Variants in VAMP8 observed in about 807,000 individuals in gnomAD.
VAMP8 encodes the protein vesicle-associated membrane protein 8.
A neutral mutation model predicts 11.4 loss-of-function variants in VAMP8; 9 were observed. The ratio of observed to expected loss-of-function variants is 0.79; its 90% CI spans 0.48 to 1.38. The LOEUF is 1.38. Ranked by LOEUF, VAMP8 falls within the 40% of genes most tolerant of loss-of-function variation. The pLI is 0.00. For missense variants in VAMP8, 108 were observed against 127.8 expected (o/e 0.85, Z 0.75); for synonymous variants, 42 against 44.7 (o/e 0.94, Z 0.24).
chr2:85,580,612 T>C (rs1228730327), intron 2 of VAMP8, among the ~76,000 whole-genome samples: 1 of 151,756 alleles, frequency 6.6e-6, no homozygotes, highest in Non-Finnish European at 1.5e-5. Context: ...CAACCCGGCC[T>C]TCCAGATTTT....
Position 85,579,841 on chromosome 2 carries a change from C to T in VAMP8, c.162+674C>T, listed in dbSNP as rs1305899858. The T allele has an allele frequency of 6.4e-6, 10 of 1,550,508 alleles. No homozygotes were observed. The East Asian group carries it at 7.3e-5, about 11-fold the overall frequency. ...TGTTCAGCGGGGAGGCTGGCTCTGG[C>T]TTTCTGAGTCCTGTGTGAACTCTTG... On this transcript the variant is annotated intron_variant, in intron 2 of 2. Coordinates refer to ENST00000263864, the MANE Select transcript of VAMP8 (RefSeq NM_003761.5).
chr2:85,580,270 T>C lies in VAMP8; in HGVS notation c.162+1103T>C, dbSNP rs1573346110. On this transcript the variant is annotated intron_variant, in intron 2 of 2. Transcript: ENST00000263864. ...TCTGGACAAGCCCCAGGAAATTTAG[T>C]GTCTATAACTTGAATTGCTGGGCAT... 2.0e-5 allele frequency among the ~76,000 whole-genome samples: 3 copies of C among 152,098 alleles called. No homozygotes were observed. The East Asian group carries it at 5.8e-4, about 29-fold the overall frequency.
chr2:85,582,030 T>C lies in VAMP8; in HGVS notation c.*314T>C. 2 of 279,398 alleles carry C rather than the reference T, an allele frequency of 7.2e-6. No homozygotes were observed. Among genetic ancestry groups the C allele is most frequent in the Non-Finnish European group, 1.3e-5 (2 of 149,180 alleles). The allele number at this position is 279,398 out of a possible 1,614,324, so 17.3% of individuals were successfully genotyped here. On this transcript the variant is annotated 3_prime_UTR_variant, in exon 3 of 3. Coordinates refer to ENST00000263864, the MANE Select transcript of VAMP8 (RefSeq NM_003761.5). Reference sequence around the variant, plus strand: ...GGTAATAAAGACCTTTCAGTATCCCTATATGTGTGAGGCACTTTCTCTCTT... The same window carrying C: ...GGTAATAAAGACCTTTCAGTATCCCCATATGTGTGAGGCACTTTCTCTCTT...
intron 2 of VAMP8, chr2:85,579,775 G>GT: frequency 1.9e-6 from 3 of 1,550,746 alleles, no homozygotes; most frequent in Non-Finnish European, 2.6e-6. Context: ...CAGGGAGGAA[G>GT]TAACTCCAAA....
At chr2:85,577,726 T>A in intron 1 of VAMP8, 77 bp downstream of exon 1, 1 of 1,442,470 alleles carries the variant, frequency 6.9e-7, no homozygotes, top group Non-Finnish European at 9.4e-7. Flanking sequence ...GTTGGCTGTG[T>A]CGGGGGAGGA....
intron 2 of VAMP8, among the ~76,000 whole-genome samples, chr2:85,581,305 C>A (rs1672373925): frequency 6.6e-6 from 1 of 152,124 alleles, no homozygotes; most frequent in Non-Finnish European, 1.5e-5. Flanking sequence ...CATGGTGAAA[C>A]CTCCTCTCTA....
intron 2 of VAMP8, chr2:85,579,637 G>A: frequency 6.9e-6 from 10 of 1,459,758 alleles, no homozygotes; most frequent in Non-Finnish European, 8.2e-6. Flanking sequence ...AAAAAGAAGG[G>A]GGAAAGAGCA....
In VAMP8 at chr2:85,581,593, G is replaced by T. The variant is rs376611516; in HGVS notation, c.180G>T (p.Thr60=). The T allele has an allele frequency of 6.2e-6, 10 of 1,614,014 alleles. No individual in the cohort carries two copies. The highest frequency in any genetic ancestry group is 1.1e-5 in the South Asian group (1 of 91,088). Residue 60 remains threonine (T), a synonymous_variant, in exon 3 of 3, where the codon ACG becomes ACT. Coordinates refer to ENST00000263864, the MANE Select transcript of VAMP8 (RefSeq NM_003761.5). ...CCCAACAGTCTGAGCACTTCAAGAC[G>T]ACATCGCAGAAGGTGGCTCGAAAAT... is the stretch of plus-strand genomic sequence containing the variant. ...DLEATSEHFK[T]TSQKVARKFW...
intron 2 of VAMP8, among the ~76,000 whole-genome samples, chr2:85,580,657 G>C (rs961143821): frequency 6.9e-6 from 1 of 144,512 alleles, no homozygotes; most frequent in Non-Finnish European, 1.5e-5. Flanking sequence ...GGCAGATACA[G>C]CATTTTTTTT....
intron 2 of VAMP8, among the ~76,000 whole-genome samples, chr2:85,580,711 G>T (rs2104032131): frequency 7.3e-6 from 1 of 136,076 alleles, no homozygotes; most frequent in South Asian, 2.3e-4. Context: ...TTGTTACCCA[G>T]GCTGGAGTGC....
chr2:85,579,883 C>T (rs1249840532), intron 2 of VAMP8: 1 of 1,550,114 alleles, frequency 6.5e-7, no homozygotes, highest in South Asian at 1.2e-5. Context: ...GGGTATTGCT[C>T]CCTTGTCTCC....
intron 2 of VAMP8, among the ~76,000 whole-genome samples, chr2:85,580,781 C>T (rs992961872): frequency 6.6e-6 from 1 of 151,122 alleles, no homozygotes; most frequent in African/African-American, 2.4e-5. Flanking sequence ...ATTCTCCTGC[C>T]TTAGCCTCCT....
intron 1 of VAMP8, among the ~76,000 whole-genome samples, chr2:85,578,044 T>C (rs1022429490): frequency 6.6e-6 from 1 of 152,182 alleles, no homozygotes; most frequent in African/African-American, 2.4e-5. Context: ...AGCTCTCCTC[T>C]CCGGCCTTTC....
At position 85,581,969 on chromosome 2, in the gene VAMP8, C is replaced by T; in HGVS notation, c.*253C>T. On this transcript the variant is annotated 3_prime_UTR_variant, in exon 3 of 3. Coordinates refer to ENST00000263864, the MANE Select transcript of VAMP8 (RefSeq NM_003761.5). Reference sequence around the variant, plus strand: ...GAGTGGGCTGGAGAGACCTAGAGGGCCCAGCATGTGGCTGGGAAACTGTTG... The same window carrying T: ...GAGTGGGCTGGAGAGACCTAGAGGGTCCAGCATGTGGCTGGGAAACTGTTG... 1 of 472,300 alleles carries T rather than the reference C, an allele frequency of 2.1e-6. No individual in the cohort carries two copies. The highest frequency in any genetic ancestry group is 3.7e-6 in the Non-Finnish European group (1 of 266,904). The allele number at this position is 472,300 out of a possible 1,614,324, so 29.3% of individuals were successfully genotyped here.
intron 1 of VAMP8, 75 bp downstream of exon 1, chr2:85,577,724 T>A (rs1672304859): frequency 6.6e-7 from 1 of 1,505,064 alleles, no homozygotes; most frequent in Admixed American, 2.0e-5. Flanking sequence ...GGGTTGGCTG[T>A]GTCGGGGGAG....
chr2:85,579,400 T>C (rs1036251053), intron 2 of VAMP8, among the ~76,000 whole-genome samples: 11 of 152,222 alleles, frequency 7.2e-5, no homozygotes, highest in South Asian at 2.1e-4. Flanking sequence ...AGCTCGCCCA[T>C]AGAGGCATGT....
chr2:85,581,983 G>A lies in VAMP8; in HGVS notation c.*267G>A. ...GACCTAGAGGGCCCAGCATGTGGCTGGGAAACTGTTGGTGGCCAGTGGGTA... is the reference window on the plus strand; with the variant it reads ...GACCTAGAGGGCCCAGCATGTGGCTAGGAAACTGTTGGTGGCCAGTGGGTA... On this transcript the variant is annotated 3_prime_UTR_variant, in exon 3 of 3. Coordinates refer to ENST00000263864, the MANE Select transcript of VAMP8 (RefSeq NM_003761.5). The A allele has an allele frequency of 2.3e-6, 1 of 440,874 alleles. No homozygotes were observed. Among genetic ancestry groups the A allele is most frequent in the Non-Finnish European group, 4.0e-6 (1 of 247,250 alleles). 27.3% of individuals were successfully genotyped at this position (440,874 alleles called of 1,614,324 possible).
At position 85,581,893 on chromosome 2, in the gene VAMP8, G is replaced by A; in HGVS notation, c.*177G>A. ...CCCCAGAAGGTACCTTGGTCCCCCGGAAGGAGAGAAAAAAGAGAGATGGAC... is the reference window on the plus strand; with the variant it reads ...CCCCAGAAGGTACCTTGGTCCCCCGAAAGGAGAGAAAAAAGAGAGATGGAC... On this transcript the variant is annotated 3_prime_UTR_variant, in exon 3 of 3. Coordinates refer to ENST00000263864, the MANE Select transcript of VAMP8 (RefSeq NM_003761.5). 2 of 825,662 alleles carry A rather than the reference G, an allele frequency of 2.4e-6. No individual in the cohort carries two copies. Among genetic ancestry groups the A allele is most frequent in the Non-Finnish European group, 1.9e-6 (1 of 532,808 alleles). The allele number at this position is 825,662 out of a possible 1,614,324, so 51.1% of individuals were successfully genotyped here. A position where few individuals can be genotyped will look rare whatever the true frequency, so the allele number is the denominator to read the frequency against.
At chr2:85,577,892 G>A (rs948090800) in intron 1 of VAMP8, among the ~76,000 whole-genome samples, 1 of 152,100 alleles carries the variant, frequency 6.6e-6, no homozygotes, top group African/African-American at 2.4e-5. Context: ...CTGGGCTTCC[G>A]TGCCAGCGCC....
Sources: gnomAD v4.1 joint callset for allele counts (sites outside exome capture counted in the v4.1 genomes callset) on GRCh38, gnomAD v4.1.1 for gene constraint, MANE v1.5 for transcripts, NCBI Gene and HGNC (gene_info 2026-07-23, HGNC 2026-07-21) for gene names.